Variants in C3orf70 observed in about 807,000 individuals in gnomAD.
C3orf70 encodes UPF0524 protein C3orf70.
A neutral mutation model predicts 20.7 loss-of-function variants in C3orf70; 15 were observed. The ratio of observed to expected loss-of-function variants is 0.72; its 90% CI spans 0.48 to 1.11. C3orf70 has a LOEUF of 1.11. C3orf70 is among the 50% of genes most tolerant of loss of function. The pLI is 0.00. For synonymous variants in C3orf70, 161 were observed against 125.7 expected (o/e 1.28, Z -1.88); for missense variants, 332 against 317.6 (o/e 1.05, Z -0.34).
chr3:185,093,756 G>GC (rs1364794421), intron 1 of C3orf70, among the ~76,000 whole-genome samples: 3 of 151,890 alleles, frequency 2.0e-5, no homozygotes, highest in Non-Finnish European at 4.4e-5. Flanking sequence ...AAAGTGATAT[G>GC]CCTTGTGCAA....
rs569199299 is a variant in C3orf70 at position 185,110,206 on chromosome 3, A to G, written c.197-26643T>C. Among the ~76,000 whole-genome samples, 43 of 152,370 alleles carry G rather than the reference A, an allele frequency of 2.8e-4. No individual in the cohort carries two copies. The South Asian group carries it at 7.0e-3, about 25-fold the overall frequency. ...ATAAGATCAAAATTTGGTAAAGAAT[A>G]AAAAAGCATCTAGAAAGACACTCTA... On this transcript the variant is annotated intron_variant, in intron 1 of 1. Transcript: ENST00000335012.
At chr3:185,107,504 A>G (rs1304112628) in intron 1 of C3orf70, among the ~76,000 whole-genome samples, 1 of 152,240 alleles carries the variant, frequency 6.6e-6, no homozygotes. Flanking sequence ...GACAAAGATT[A>G]GGAAATAATT....
intron 1 of C3orf70, among the ~76,000 whole-genome samples, chr3:185,111,882 A>G (rs1716080159): frequency 6.6e-6 from 1 of 152,244 alleles, no homozygotes; most frequent in Non-Finnish European, 1.5e-5. Context: ...TATTTGCCTG[A>G]CAAAGAATTC....
chr3:185,148,047 C>G (rs946649690), intron 1 of C3orf70, among the ~76,000 whole-genome samples: 1 of 152,204 alleles, frequency 6.6e-6, no homozygotes, highest in African/African-American at 2.4e-5. Context: ...CCAGCTTATC[C>G]TCTTGTACCC....
At chr3:185,136,775 G>A (rs746846606) in intron 1 of C3orf70, among the ~76,000 whole-genome samples, 2 of 122,840 alleles carry the variant, frequency 1.6e-5, no homozygotes, top group African/African-American at 5.7e-5. Context: ...AGCCGGGTAT[G>A]GTGGTGCACG....
chr3:185,139,140 G>A (rs1327018750), intron 1 of C3orf70, among the ~76,000 whole-genome samples: 1 of 151,156 alleles, frequency 6.6e-6, no homozygotes, highest in Admixed American at 6.6e-5. Context: ...GGAGCGGGAG[G>A]AGGAAGGAGG....
At chr3:185,101,364 A>C (rs532191759) in intron 1 of C3orf70, among the ~76,000 whole-genome samples, 2 of 152,350 alleles carry the variant, frequency 1.3e-5, no homozygotes, top group South Asian at 2.1e-4. Context: ...CTGGAATGCA[A>C]GTTTGGATCA....
intron 1 of C3orf70, among the ~76,000 whole-genome samples, chr3:185,094,934 C>G (rs975739399): frequency 2.6e-5 from 4 of 152,080 alleles, no homozygotes; most frequent in African/African-American, 9.7e-5. Context: ...CAGACTCAGC[C>G]CGTCTGTATT....
rs1490683533 is a variant in C3orf70 at position 185,079,634 on chromosome 3, A to G, written c.*3373T>C. On this transcript the variant is annotated 3_prime_UTR_variant, in exon 2 of 2. Transcript: ENST00000335012. The stretch of plus-strand genomic sequence containing the variant: ...AGCATATTTGAAACTTGAAACTTCT[A>G]AAATCTTGGTTAGAGAAGAAAACTA... 3 of 152,240 alleles carry G rather than the reference A, an allele frequency of 2.0e-5. No individual in the cohort carries two copies. The highest frequency in any genetic ancestry group is 4.4e-5 in the Non-Finnish European group (3 of 68,040). 9.4% of individuals were successfully genotyped at this position (152,240 alleles called of 1,614,324 possible).
intron 1 of C3orf70, among the ~76,000 whole-genome samples, chr3:185,102,246 G>C (rs1011791597): frequency 6.6e-6 from 1 of 152,144 alleles, no homozygotes; most frequent in African/African-American, 2.4e-5. Context: ...TCAATGTACA[G>C]AAATGATTAG....
chr3:185,098,383 C>T (rs1031758920), intron 1 of C3orf70, among the ~76,000 whole-genome samples: 2 of 152,196 alleles, frequency 1.3e-5, no homozygotes, highest in African/African-American at 4.8e-5. Context: ...CCTTTACAGA[C>T]TATGAGCCTA....
intron 1 of C3orf70, among the ~76,000 whole-genome samples, chr3:185,133,226 G>A (rs1171708711): frequency 6.6e-6 from 1 of 152,132 alleles, no homozygotes; most frequent in Non-Finnish European, 1.5e-5. Flanking sequence ...GCTGGTGGGA[G>A]GGCAAATGGT....
chr3:185,086,635 T>G (rs1447253744), intron 1 of C3orf70, among the ~76,000 whole-genome samples: 1 of 152,186 alleles, frequency 6.6e-6, no homozygotes, highest in African/African-American at 2.4e-5. Context: ...TCTGTGGTAT[T>G]TTATTATAGC....
intron 1 of C3orf70, among the ~76,000 whole-genome samples, chr3:185,140,373 T>TA (rs562224456): frequency 5.8e-4 from 89 of 152,166 alleles, no homozygotes; most frequent in African/African-American, 2.1e-3. Context: ...AAACTCAGTT[T>TA]AAAAAATCCA....
Position 185,152,747 on chromosome 3 carries a change from C to G in C3orf70, c.77G>C (p.Arg26Pro), listed in dbSNP as rs775431960. ...EKLDEAQALARSCAARRPDFQ... is the reference protein window; with the variant it reads ...EKLDEAQALAPSCAARRPDFQ... ...GTCGGGTCTGCGGGCGGCGCAACTC[C>G]GCGCCAGGGCCTGAGCCTCATCTAG... Residue 26 changes from arginine to proline, a missense_variant, in exon 1 of 2, where the codon CGG becomes CCG. Coordinates refer to ENST00000335012, the MANE Select transcript of C3orf70 (RefSeq NM_001025266.3). 6.3e-7 allele frequency: 1 copy of G among 1,594,120 alleles called. No homozygotes were observed. Among genetic ancestry groups the G allele is most frequent in the Non-Finnish European group, 8.5e-7 (1 of 1,171,036 alleles).
chr3:185,150,809 T>C (rs908158331), intron 1 of C3orf70, among the ~76,000 whole-genome samples: 1 of 152,200 alleles, frequency 6.6e-6, no homozygotes, highest in African/African-American at 2.4e-5. Flanking sequence ...CCAAGATGCT[T>C]AGGAGCCTGA....
intron 1 of C3orf70, among the ~76,000 whole-genome samples, chr3:185,139,627 G>A (rs533507399): frequency 6.6e-6 from 1 of 151,852 alleles, no homozygotes; most frequent in South Asian, 2.1e-4. Flanking sequence ...GTATGGTACT[G>A]GCAGAAGAAG....
Position 185,080,427 on chromosome 3 carries a change from T to G in C3orf70, c.*2580A>C, listed in dbSNP as rs1241573979. 1 of 152,696 alleles carries G rather than the reference T, an allele frequency of 6.5e-6. No individual in the cohort carries two copies. The highest frequency in any genetic ancestry group is 2.4e-5 in the African/African-American group (1 of 41,462). The allele number at this position is 152,696 out of a possible 1,614,324, so 9.5% of individuals were successfully genotyped here. On this transcript the variant is annotated 3_prime_UTR_variant, in exon 2 of 2. Transcript: ENST00000335012. ...AGCCAGCTGCAGAAATGTGGCCCCG[T>G]GACCACGTATATCCATGGCTTTAGA...
chr3:185,141,821 C>G (rs1716754821), intron 1 of C3orf70, among the ~76,000 whole-genome samples: 1 of 151,822 alleles, frequency 6.6e-6, no homozygotes, highest in Non-Finnish European at 1.5e-5. Context: ...CACACACACA[C>G]ACACACACAC....
Sources: allele counts gnomAD v4.1 joint callset (sites outside exome capture counted in the v4.1 genomes callset), GRCh38; gene constraint gnomAD v4.1.1; transcripts MANE v1.5; gene names NCBI Gene and HGNC (gene_info 2026-07-23, HGNC 2026-07-21).